The following FGGY variants were observed in gnomAD, a reference collection of about 807,000 sequenced individuals.
FGGY encodes FGGY carbohydrate kinase domain containing.
FGGY carries 72 observed loss-of-function variants against 71.3 expected under a neutral mutation model. That is an observed-to-expected ratio of 1.01 (90% CI 0.84 to 1.23). The LOEUF is 1.23. FGGY is among the 50% of genes most tolerant of loss of function. The pLI is 0.00. For synonymous variants in FGGY, 251 were observed against 250.3 expected, an observed-to-expected ratio of 1.00 and a Z score of -0.02; for missense variants, 668 against 682.3, an observed-to-expected ratio of 0.98 and a Z score of 0.23.
chr1:59,447,166 T>G (rs377449131), intron 5 of FGGY, among the ~76,000 whole-genome samples: 1 of 152,176 alleles, frequency 6.6e-6, no homozygotes, highest in Non-Finnish European at 1.5e-5. Context: ...TGATTGAAAC[T>G]AAAGATGATG....
At chr1:59,695,576 A>T (rs571765291) in intron 14 of FGGY, among the ~76,000 whole-genome samples, 22 of 152,222 alleles carry the variant, frequency 1.4e-4, no homozygotes, top group Non-Finnish European at 3.1e-4. Context: ...ATTGCATATA[A>T]TCTTGACGGC....
chr1:59,762,675 G>A lies in FGGY; in HGVS notation c.*91G>A. The A allele has an allele frequency of 1.1e-6, 1 of 907,882 alleles. No homozygotes were observed. Among genetic ancestry groups the A allele is most frequent in the East Asian group, 2.7e-5 (1 of 37,698 alleles). The allele number at this position is 907,882 out of a possible 1,614,324, so 56.2% of individuals were successfully genotyped here. A position where few individuals can be genotyped will look rare whatever the true frequency, so the allele number is the denominator to read the frequency against. On this transcript the variant is annotated 3_prime_UTR_variant, in exon 16 of 16. Coordinates refer to ENST00000303721, the MANE Select transcript of FGGY (RefSeq NM_018291.5). ...CCATGTTCAAGACCCTTGAGGTATT[G>A]TTTCATCATTTCTGTATTGTCTTTC...
intron 6 of FGGY, among the ~76,000 whole-genome samples, chr1:59,465,302 T>G (rs2092548377): frequency 6.6e-6 from 1 of 152,062 alleles, no homozygotes; most frequent in South Asian, 2.1e-4. Context: ...CTGACAAAAT[T>G]TAACAGTACA....
chr1:59,697,257 T>G (rs2097668382), intron 14 of FGGY, among the ~76,000 whole-genome samples: 1 of 152,198 alleles, frequency 6.6e-6, no homozygotes, highest in Non-Finnish European at 1.5e-5. Flanking sequence ...ATTAAGTTCA[T>G]TCACATTATT....
intron 7 of FGGY, among the ~76,000 whole-genome samples, chr1:59,549,744 G>A (rs999132577): frequency 6.6e-6 from 1 of 152,166 alleles, no homozygotes; most frequent in African/African-American, 2.4e-5. Flanking sequence ...ATAGGAAAAT[G>A]TACTCTTAAT....
chr1:59,741,105 G>A (rs537272927), intron 14 of FGGY, among the ~76,000 whole-genome samples: 1 of 152,188 alleles, frequency 6.6e-6, no homozygotes, highest in South Asian at 2.1e-4. Flanking sequence ...TATTTCTGTT[G>A]GACAGTGCTG....
rs187830015 is a variant in FGGY at position 59,454,310 on chromosome 1, C to T, written c.555-2651C>T. ...AATATTACTCTTGCCAGGGAGCTAT[C>T]GTACCTCCCCAAAAGTTGGAATTTC... On this transcript the variant is annotated intron_variant, in intron 5 of 15. Coordinates refer to ENST00000303721, the MANE Select transcript of FGGY (RefSeq NM_018291.5). 3.3e-5 allele frequency among the ~76,000 whole-genome samples: 5 copies of T among 152,276 alleles called. 1 individual carries two copies. The highest frequency in any genetic ancestry group is 3.4e-3 in the Middle Eastern group (1 of 294).
At chr1:59,546,444 A>C in intron 7 of FGGY, among the ~76,000 whole-genome samples, 1 of 151,770 alleles carries the variant, frequency 6.6e-6, no homozygotes, top group Non-Finnish European at 1.5e-5. Context: ...GGGAGGGGGC[A>C]GTGGCAGTGT....
chr1:59,514,608 C>T (rs2153635070), intron 7 of FGGY, among the ~76,000 whole-genome samples: 1 of 152,294 alleles, frequency 6.6e-6, no homozygotes, highest in Non-Finnish European at 1.5e-5. Context: ...CCCAGAATTC[C>T]CACATGTTGT....
At chr1:59,526,088 G>A (rs1264417631) in intron 7 of FGGY, among the ~76,000 whole-genome samples, 1 of 152,180 alleles carries the variant, frequency 6.6e-6, no homozygotes, top group Non-Finnish European at 1.5e-5. Context: ...GATTTGTGAT[G>A]TGTTTATGTG....
intron 14 of FGGY, among the ~76,000 whole-genome samples, chr1:59,689,044 C>T (rs868065940): frequency 6.6e-6 from 1 of 152,220 alleles, no homozygotes; most frequent in Non-Finnish European, 1.5e-5. Context: ...GCCACCTCGT[C>T]TGGCCTAGAC....
chr1:59,653,615 G>C (rs1053488462), intron 11 of FGGY, among the ~76,000 whole-genome samples: 2 of 152,178 alleles, frequency 1.3e-5, no homozygotes, highest in Non-Finnish European at 2.9e-5. Flanking sequence ...TTCGGCTTGC[G>C]CATGGTGCTT....
chr1:59,756,768 G>A (rs1234551923), intron 14 of FGGY, among the ~76,000 whole-genome samples: 1 of 152,190 alleles, frequency 6.6e-6, no homozygotes, highest in Non-Finnish European at 1.5e-5. Flanking sequence ...AATATACAAA[G>A]TGGCAGAAGG....
Position 59,684,454 on chromosome 1 carries a change from G to T in FGGY, c.1512+10321G>T, listed in dbSNP as rs187234911. Among the ~76,000 whole-genome samples, 557 of 152,254 alleles carry T rather than the reference G, an allele frequency of 3.7e-3. 1 individual carries two copies. The highest frequency in any genetic ancestry group is 0.013 in the African/African-American group (544 of 41,542). ...GCTGGTGACGGAGCTAGAACTCAGG[G>T]TACCGTGGGACCCCCCAGGCCTATG... is the stretch of plus-strand genomic sequence containing the variant. On this transcript the variant is annotated intron_variant, in intron 14 of 15. Transcript: ENST00000303721.
At chr1:59,758,786 G>A (rs2098316396) in intron 15 of FGGY, among the ~76,000 whole-genome samples, 1 of 152,202 alleles carries the variant, frequency 6.6e-6, no homozygotes, top group South Asian at 2.1e-4. Context: ...ATGAGATGGG[G>A]AATGGCAGGA....
chr1:59,526,288 T>A (rs539470800), intron 7 of FGGY, among the ~76,000 whole-genome samples: 1 of 152,324 alleles, frequency 6.6e-6, no homozygotes, highest in Non-Finnish European at 1.5e-5. Context: ...GAAAGTTCAG[T>A]CTAGAATGGG....
intron 5 of FGGY, among the ~76,000 whole-genome samples, chr1:59,389,773 C>A (rs897101211): frequency 1.6e-4 from 24 of 152,094 alleles, no homozygotes; most frequent in African/African-American, 5.3e-4. Flanking sequence ...AAAAATTATA[C>A]CCATTGTAGT....
chr1:59,619,276 C>T (rs1192234052), intron 9 of FGGY, among the ~76,000 whole-genome samples: 1 of 152,066 alleles, frequency 6.6e-6, no homozygotes, highest in Non-Finnish European at 1.5e-5. Flanking sequence ...CTCTCCTGCA[C>T]TCCACCAAGA....
chr1:59,611,769 TCTAA>T (rs1165016099), intron 9 of FGGY, among the ~76,000 whole-genome samples: 2 of 152,056 alleles, frequency 1.3e-5, no homozygotes, highest in African/African-American at 2.4e-5. Context: ...TAGATGAATG[TCTAA>T]CTAGAATAAC....
Sources: allele counts gnomAD v4.1 joint callset (sites outside exome capture counted in the v4.1 genomes callset), GRCh38; gene constraint gnomAD v4.1.1; transcripts MANE v1.5; gene names NCBI Gene and HGNC (gene_info 2026-07-23, HGNC 2026-07-21).